Variants in SLC35F2 observed in about 807,000 individuals in gnomAD.
SLC35F2 encodes queuine/queuosine transporter SLC35F2.
A neutral mutation model predicts 38.1 loss-of-function variants in SLC35F2; 25 were observed. That is an observed-to-expected ratio of 0.66 (90% CI 0.48 to 0.92). The LOEUF (loss-of-function observed/expected upper bound fraction) is 0.92, where lower values mean the gene tolerates loss of function less well. Among genes scored for constraint, SLC35F2 ranks in the 40% least tolerant of loss-of-function variants. SLC35F2 has a pLI of 0.00. For synonymous variants in SLC35F2, 173 were observed against 181.7 expected, an observed-to-expected ratio of 0.95 and a Z score of 0.38; for missense variants, 409 against 452.9, an observed-to-expected ratio of 0.90 and a Z score of 0.88.
chr11:107,798,121 G>A (rs189943231), intron 7 of SLC35F2, among the ~76,000 whole-genome samples: 2 of 151,870 alleles, frequency 1.3e-5, no homozygotes, highest in Non-Finnish European at 1.5e-5. Flanking sequence ...CTTGTGCCTC[G>A]GCCTCCCAAG....
intron 1 of SLC35F2, among the ~76,000 whole-genome samples, chr11:107,829,425 A>G (rs1247473194): frequency 6.6e-6 from 1 of 151,926 alleles, no homozygotes; most frequent in Non-Finnish European, 1.5e-5. Flanking sequence ...TCTCAAAAAA[A>G]AAAAAAACTT....
chr11:107,796,813 T>A (rs923633554), intron 7 of SLC35F2, among the ~76,000 whole-genome samples: 5 of 152,120 alleles, frequency 3.3e-5, no homozygotes, highest in Admixed American at 1.3e-4. Context: ...GGACTACAGG[T>A]GTGCACCAAC....
chr11:107,850,693 G>T (rs1860166537), intron 1 of SLC35F2, among the ~76,000 whole-genome samples: 1 of 151,458 alleles, frequency 6.6e-6, no homozygotes, highest in Non-Finnish European at 1.5e-5. Flanking sequence ...GTGGTGGCAG[G>T]TGCCTGTAAT....
chr11:107,858,758 C>T lies in SLC35F2; in HGVS notation c.10G>A (p.Asp4Asn). 11 of 1,267,606 alleles carry T rather than the reference C, an allele frequency of 8.7e-6. No individual in the cohort carries two copies. The highest frequency in any genetic ancestry group is 1.0e-5 in the Non-Finnish European group (10 of 998,506). 78.5% of individuals were successfully genotyped at this position (1,267,606 alleles called of 1,614,324 possible). The change falls in exon 1 of 8, where the codon GAC becomes AAC. Residue 4 changes from aspartate to asparagine, a missense_variant. Transcript: ENST00000525815. ...GGGGCGCCGGGGCCCGCTGGCGAGT[C>T]TGCCTCCATCGGCGCCCTTGCGCGT... The part of the protein sequence containing the change: MEA[D>N]SPAGPGAPEP...
At chr11:107,799,422 A>G (rs948969189) in intron 7 of SLC35F2, among the ~76,000 whole-genome samples, 1 of 152,188 alleles carries the variant, frequency 6.6e-6, no homozygotes, top group Non-Finnish European at 1.5e-5. Flanking sequence ...TGCAACTGCT[A>G]TATAGAAACA....
intron 6 of SLC35F2, 24 bp from the exon 7 acceptor site, chr11:107,803,179 C>T (rs2305287): frequency 1.7e-5 from 27 of 1,584,134 alleles, no homozygotes; most frequent in Admixed American, 3.7e-5. Context: ...CATGGAATAT[C>T]TAATATTAGG....
chr11:107,830,624 C>G (rs1360801049), intron 1 of SLC35F2, among the ~76,000 whole-genome samples: 1 of 151,408 alleles, frequency 6.6e-6, no homozygotes, highest in Non-Finnish European at 1.5e-5. Context: ...AGAGAACAGC[C>G]TCTACTTTTA....
chr11:107,811,772 G>A lies in SLC35F2; in HGVS notation c.309C>T (p.Ile103=), dbSNP rs1448024673. 6.2e-6 allele frequency: 10 copies of A among 1,613,902 alleles called. No homozygotes were observed. Among genetic ancestry groups the A allele is most frequent in the Non-Finnish European group, 8.5e-6 (10 of 1,179,858 alleles). ...TGTACTTCCACCATTTTCTTTTCAA[G>A]ATTACTAAAAGGTTATCACTGCCTG... ...FRSGSDNLLV[I]LKRKWWKYIL... The change falls in exon 3 of 8, where the codon ATC becomes ATT. Residue 103 remains isoleucine (I), a synonymous_variant. Coordinates refer to ENST00000525815, the MANE Select transcript of SLC35F2 (RefSeq NM_017515.5).
chr11:107,811,829 T>G (rs1041193994), intron 2 of SLC35F2, 35 bp from the exon 3 acceptor site: 13 of 1,583,078 alleles, frequency 8.2e-6, no homozygotes, highest in Non-Finnish European at 1.1e-5. Flanking sequence ...TACATGTTAC[T>G]TGCAAATGAT....
chr11:107,849,126 TG>T (rs143636032), intron 1 of SLC35F2, among the ~76,000 whole-genome samples: 1,698 of 152,258 alleles, frequency 0.011, 17 homozygotes, highest in Non-Finnish European at 0.012. Context: ...AACCTATTTT[TG>T]TAGGATTGTC....
intron 1 of SLC35F2, among the ~76,000 whole-genome samples, chr11:107,842,257 C>CAAAAAAAAAAAAAAAAAAAAAAAAA (rs541185009): frequency 2.6e-5 from 1 of 37,902 alleles, no homozygotes; most frequent in East Asian, 1.0e-3. Context: ...CTCCGTCTCA[C>CAAAAAAAAAAAAAAAAAAAAAAAAA]AAAAAAAAAA....
At position 107,849,235 on chromosome 11, in the gene SLC35F2, T is replaced by C. The variant is rs535734306; in HGVS notation, c.110+9423A>G. On this transcript the variant is annotated intron_variant, in intron 1 of 7. Transcript: ENST00000525815. ...TCTTTCGTTTTATTAGGCATCACTCTGACTTCTGTGTAGCGAGATGATTGG... is the reference window on the plus strand; with the variant it reads ...TCTTTCGTTTTATTAGGCATCACTCCGACTTCTGTGTAGCGAGATGATTGG... 5.9e-5 allele frequency among the ~76,000 whole-genome samples: 9 copies of C among 152,324 alleles called. No homozygotes were observed. The South Asian group carries it at 1.9e-3, about 32-fold the overall frequency.
At chr11:107,854,448 A>G (rs1216114888) in intron 1 of SLC35F2, among the ~76,000 whole-genome samples, 1 of 152,008 alleles carries the variant, frequency 6.6e-6, no homozygotes, top group Non-Finnish European at 1.5e-5. Context: ...TGATGATAAT[A>G]ATAATAATAA....
chr11:107,799,368 T>TAA (rs1859268356), intron 7 of SLC35F2, among the ~76,000 whole-genome samples: 1 of 152,188 alleles, frequency 6.6e-6, no homozygotes, highest in African/African-American at 2.4e-5. Context: ...TTTTTCATTT[T>TAA]AAAGTTGAAA....
intron 1 of SLC35F2, among the ~76,000 whole-genome samples, chr11:107,842,257 C>CCAAAA (rs1860023743): frequency 2.6e-5 from 1 of 37,908 alleles, no homozygotes; most frequent in African/African-American, 1.2e-4. Flanking sequence ...CTCCGTCTCA[C>CCAAAA]AAAAAAAAAA....
chr11:107,829,831 T>C (rs1253722557), intron 1 of SLC35F2, among the ~76,000 whole-genome samples: 1 of 152,128 alleles, frequency 6.6e-6, no homozygotes. Context: ...TCCCTTCAAT[T>C]ATAAACATAG....
chr11:107,849,494 C>G (rs1011205805), intron 1 of SLC35F2, among the ~76,000 whole-genome samples: 1 of 152,026 alleles, frequency 6.6e-6, no homozygotes, highest in African/African-American at 2.4e-5. Flanking sequence ...CAAAAACTAG[C>G]CAGGCTTGGT....
At chr11:107,827,201 AACATAT>A (rs1319458713) in intron 1 of SLC35F2, among the ~76,000 whole-genome samples, 1 of 152,200 alleles carries the variant, frequency 6.6e-6, no homozygotes, top group African/African-American at 2.4e-5. Context: ...AGTATTTCAT[AACATAT>A]ACATATATAT....
At position 107,791,203 on chromosome 11, in the gene SLC35F2, T is replaced by TTGTC. The variant is rs765288287; in HGVS notation, c.*1408_*1411dup. The TTGTC allele has an allele frequency of 3.9e-5, 6 of 152,762 alleles. No homozygotes were observed. In the South Asian group the frequency reaches 6.2e-4, roughly 16 times the overall value. The allele number at this position is 152,762 out of a possible 1,614,324, so 9.5% of individuals were successfully genotyped here. ...TTTTTGATAAGAAGTAGTAATAGCA[T>TTGTC]TGTCTTTTAACAGCTGGAGGCTCCC... On this transcript the variant is annotated 3_prime_UTR_variant, in exon 8 of 8. Transcript: ENST00000525815.
Sources: allele counts gnomAD v4.1 joint callset (sites outside exome capture counted in the v4.1 genomes callset), GRCh38; gene constraint gnomAD v4.1.1; transcripts MANE v1.5; gene names NCBI Gene and HGNC (gene_info 2026-07-23, HGNC 2026-07-21).